AFDN: variants seen among roughly 807,000 people sequenced by gnomAD.
The protein encoded by AFDN is afadin.
A neutral mutation model predicts 216.6 loss-of-function variants in AFDN; 68 were observed. That is an observed-to-expected ratio of 0.31 (90% CI 0.26 to 0.38). The LOEUF is 0.38. Ranked by LOEUF, AFDN falls within the 10% of genes least tolerant of loss-of-function variation. The probability of loss-of-function intolerance (pLI) is 1.00; values close to 1 mark genes in which losing one functional copy is unlikely to be tolerated. For missense variants in AFDN, 2,136 were observed against 2,342.0 expected (o/e 0.91, Z 1.82); for synonymous variants, 868 against 853.7 (o/e 1.02, Z -0.29).
At chr6:167,849,314 T>TG (rs879860310) in intron 1 of AFDN, among the ~76,000 whole-genome samples, 208 of 151,842 alleles carry the variant, frequency 1.4e-3, no homozygotes, top group African/African-American at 3.7e-3. Context: ...ATGTAACTTG[T>TG]GGGGGGGGAG....
At chr6:167,925,123 C>T (rs2301534) in intron 23 of AFDN, 32 bp downstream of exon 23, 147,553 of 1,484,794 alleles carry the variant, frequency 0.099, 9,530 homozygotes, top group South Asian at 0.22. Context: ...GAGTTGTTCT[C>T]TCCAGTCTTT....
chr6:167,900,709 G>A (rs555441864), intron 11 of AFDN, among the ~76,000 whole-genome samples: 23 of 152,328 alleles, frequency 1.5e-4, no homozygotes, highest in Admixed American at 9.1e-4. Flanking sequence ...ACCCACAAGA[G>A]GAAGTTAGGG....
At chr6:167,952,430 T>C in intron 30 of AFDN, 5 of 985,458 alleles carry the variant, frequency 5.1e-6, no homozygotes, top group Non-Finnish European at 6.0e-6. Flanking sequence ...GGAACTTGAT[T>C]GTTTTCATTA....
chr6:167,867,685 C>A (rs1323943145), intron 2 of AFDN, among the ~76,000 whole-genome samples: 2 of 152,142 alleles, frequency 1.3e-5, no homozygotes, highest in Non-Finnish European at 2.9e-5. Context: ...CCTGCCTCGG[C>A]CTCCCAAAGT....
At chr6:167,858,271 T>G (rs771439353) in intron 1 of AFDN, among the ~76,000 whole-genome samples, 1 of 152,210 alleles carries the variant, frequency 6.6e-6, no homozygotes, top group Non-Finnish European at 1.5e-5. Context: ...GATTGTTAAG[T>G]AGATAATGTT....
At chr6:167,885,743 A>G (rs1273546562) in intron 6 of AFDN, among the ~76,000 whole-genome samples, 1 of 152,264 alleles carries the variant, frequency 6.6e-6, no homozygotes, top group Non-Finnish European at 1.5e-5. Flanking sequence ...GGCGTGCTCA[A>G]CGCAGGCTTG....
intron 31 of AFDN, among the ~76,000 whole-genome samples, chr6:167,965,525 C>T (rs1365909759): frequency 6.6e-6 from 1 of 152,208 alleles, no homozygotes; most frequent in Non-Finnish European, 1.5e-5. Flanking sequence ...GCTGAGAATC[C>T]ATTCCATGCT....
At chr6:167,880,273 C>G in intron 5 of AFDN, 87 bp from the exon 6 acceptor site, 1 of 1,284,720 alleles carries the variant, frequency 7.8e-7, no homozygotes, top group Non-Finnish European at 1.1e-6. Flanking sequence ...ATGCAGGTAC[C>G]TTTTTCTCAA....
chr6:167,835,441 A>G (rs911161138), intron 1 of AFDN, among the ~76,000 whole-genome samples: 3 of 152,178 alleles, frequency 2.0e-5, no homozygotes, highest in Non-Finnish European at 2.9e-5. Context: ...TTGCTCATAT[A>G]CTTTTTTTTT....
At chr6:167,967,068 T>C (rs1467915014) in intron 32 of AFDN, among the ~76,000 whole-genome samples, 4 of 152,236 alleles carry the variant, frequency 2.6e-5, no homozygotes, top group Admixed American at 6.5e-5. Context: ...TCAGTAGTCA[T>C]TGTTTTCAAG....
Position 167,842,009 on chromosome 6 carries a change from A to AT in AFDN, c.105+14772_105+14773insT, listed in dbSNP as rs540627962. 7.5e-4 allele frequency among the ~76,000 whole-genome samples: 114 copies of AT among 152,008 alleles called. 1 individual carries two copies. Among genetic ancestry groups the AT allele is most frequent in the Non-Finnish European group, 1.2e-3 (81 of 67,970 alleles). ...GTTTTGTTTTTTAATTAAAAAAAAA[A>AT]CTTTGCTAAAGTTTTGTAACTCTTC... On this transcript the variant is annotated intron_variant, in intron 1 of 33. Coordinates refer to ENST00000683244, the MANE Select transcript of AFDN (RefSeq NM_001386888.1).
rs1164947433 is a variant in AFDN at position 167,952,111 on chromosome 6, A to G, written c.4757A>G (p.Asp1586Gly). The G allele has an allele frequency of 2.5e-6, 4 of 1,614,116 alleles. No homozygotes were observed. Among genetic ancestry groups the G allele is most frequent in the South Asian group, 1.1e-5 (1 of 91,070 alleles). The change falls in exon 30 of 34, where the codon GAT becomes GGT. Residue 1586 changes from aspartate to glycine, a missense_variant. Asp to Gly is a moderately conservative substitution (Grantham distance 94). This residue lies in a region of AFDN where 981 missense variants were observed against 966.0 expected (regional missense o/e 1.02). Coordinates refer to ENST00000683244, the MANE Select transcript of AFDN (RefSeq NM_001386888.1). ...CAGGAGTCGAAGCAGAAGGACGAAG[A>G]TGACGAGGAGGAGGAGGACGATGAT... ...RLQESKQKDE[D>G]DEEEEDDDVD...
At chr6:167,961,485 A>G (rs1265263851) in intron 30 of AFDN, among the ~76,000 whole-genome samples, 1 of 152,204 alleles carries the variant, frequency 6.6e-6, no homozygotes, top group African/African-American at 2.4e-5. Context: ...TTTTCAACCT[A>G]TAGTGCATAG....
chr6:167,952,646 C>A (rs114236880), intron 30 of AFDN: 3 of 230,952 alleles, frequency 1.3e-5, no homozygotes, highest in Non-Finnish European at 2.1e-5. Flanking sequence ...CAAGTAAACA[C>A]ATGGGTGTGT....
chr6:167,873,284 C>T (rs963902816), intron 4 of AFDN, among the ~76,000 whole-genome samples: 17 of 152,138 alleles, frequency 1.1e-4, no homozygotes, highest in Non-Finnish European at 8.8e-5. Context: ...ATTTCATATA[C>T]TTGTCTGGAG....
chr6:167,886,493 G>A (rs1296215877), intron 6 of AFDN, among the ~76,000 whole-genome samples: 1 of 152,258 alleles, frequency 6.6e-6, no homozygotes, highest in South Asian at 2.1e-4. Flanking sequence ...GGGTGTTGTG[G>A]TGTGTTGCCC....
At chr6:167,947,632 C>A (rs79474232) in intron 27 of AFDN, among the ~76,000 whole-genome samples, 3,350 of 152,218 alleles carry the variant, frequency 0.022, 105 homozygotes, top group East Asian at 0.094. Flanking sequence ...ATACACAGAG[C>A]TACAAAGGTT....
At chr6:167,888,962 A>T (rs1185670383) in intron 6 of AFDN, among the ~76,000 whole-genome samples, 1 of 152,164 alleles carries the variant, frequency 6.6e-6, no homozygotes, top group Non-Finnish European at 1.5e-5. Flanking sequence ...TGTAAAAAAA[A>T]AAAATATTTA....
intron 6 of AFDN, among the ~76,000 whole-genome samples, chr6:167,888,317 G>C (rs1787125747): frequency 6.6e-6 from 1 of 152,238 alleles, no homozygotes; most frequent in Admixed American, 6.5e-5. Context: ...CATTTGGTAT[G>C]TGAGCATGAG....
Sources: gnomAD v4.1 joint callset for allele counts (sites outside exome capture counted in the v4.1 genomes callset) on GRCh38, gnomAD v4.1.1 for gene constraint, gnomAD v4.1.1 regional missense constraint, MANE v1.5 for transcripts, NCBI Gene and HGNC (gene_info 2026-07-23, HGNC 2026-07-21) for gene names.